CTBP2: variants seen among roughly 807,000 people sequenced by gnomAD.
The protein encoded by CTBP2 is C-terminal binding protein 2, also known as C-terminal-binding protein 2.
CTBP2 carries 30 observed loss-of-function variants against 80.3 expected under a neutral mutation model. The ratio of observed to expected loss-of-function variants is 0.37; its 90% CI spans 0.28 to 0.51. The LOEUF is 0.51. CTBP2 is among the 20% of genes least tolerant of loss of function. The pLI is 0.93. For missense variants in CTBP2, 1,212 were observed against 1,375.3 expected (o/e 0.88, Z 1.88); for synonymous variants, 594 against 587.4 (o/e 1.01, Z -0.16).
chr10:125,105,687 A>T (rs924609483), intron 2 of CTBP2, among the ~76,000 whole-genome samples: 18 of 152,226 alleles, frequency 1.2e-4, no homozygotes, highest in Admixed American at 3.9e-4. Flanking sequence ...TTTTAAAAAA[A>T]AACAAGTTAT....
At chr10:125,033,782 G>C (rs1187059416) in intron 3 of CTBP2, among the ~76,000 whole-genome samples, 1 of 152,090 alleles carries the variant, frequency 6.6e-6, no homozygotes, top group Non-Finnish European at 1.5e-5. Flanking sequence ...CCGGGACCAA[G>C]AGGACAGGCA....
intron 1 of CTBP2, among the ~76,000 whole-genome samples, chr10:125,018,313 T>A (rs1215626326): frequency 6.6e-6 from 1 of 152,034 alleles, no homozygotes; most frequent in Non-Finnish European, 1.5e-5. Flanking sequence ...TCACCTGAGG[T>A]CAGGAGTTTG....
chr10:125,031,727 G>A (rs1161519754), upstream of CTBP2, among the ~76,000 whole-genome samples: 2 of 152,174 alleles, frequency 1.3e-5, no homozygotes, highest in African/African-American at 2.4e-5. Context: ...ATCGTTTCAG[G>A]TATCAAAGGG....
chr10:125,035,583 C>G (rs1564766104), intron 3 of CTBP2, among the ~76,000 whole-genome samples: 1 of 152,216 alleles, frequency 6.6e-6, no homozygotes, highest in Non-Finnish European at 1.5e-5. Context: ...CCACAAGAAG[C>G]AGCTCTAACA....
intron 2 of CTBP2, among the ~76,000 whole-genome samples, chr10:125,070,405 G>A (rs992159240): frequency 1.3e-5 from 2 of 151,444 alleles, no homozygotes; most frequent in Non-Finnish European, 1.5e-5. Flanking sequence ...TTAATTATAG[G>A]GAAAGGCCAG....
intron 1 of CTBP2, among the ~76,000 whole-genome samples, chr10:125,157,214 G>A (rs923551992): frequency 6.6e-6 from 1 of 152,144 alleles, no homozygotes; most frequent in African/African-American, 2.4e-5. Flanking sequence ...GGGACAATGA[G>A]GCTTTTTAAA....
chr10:124,998,247 C>T lies in CTBP2; in HGVS notation c.1979-77G>A. On this transcript the variant is annotated intron_variant, in intron 3 of 8. Coordinates refer to ENST00000309035, the MANE Select transcript of CTBP2 (RefSeq NM_022802.3). ...GGAAGCCCCAGGGCTCCCAGCCCGC[C>T]CTCCTGAGACTCGGTTGTTGGCACC... 4.7e-6 allele frequency: 7 copies of T among 1,498,148 alleles called. No homozygotes were observed. In the South Asian group the frequency reaches 5.0e-5, roughly 11 times the overall value. 92.8% of individuals were successfully genotyped at this position (1,498,148 alleles called of 1,614,324 possible). A position where few individuals can be genotyped will look rare whatever the true frequency, so the allele number is the denominator to read the frequency against.
At chr10:125,147,674 G>C (rs1859034421) in intron 1 of CTBP2, among the ~76,000 whole-genome samples, 1 of 150,382 alleles carries the variant, frequency 6.6e-6, no homozygotes, top group Non-Finnish European at 1.5e-5. Context: ...AAGGAGGGAG[G>C]ATTACTTGAG....
At chr10:125,083,531 TG>T (rs1487737419) in intron 2 of CTBP2, among the ~76,000 whole-genome samples, 1 of 152,228 alleles carries the variant, frequency 6.6e-6, no homozygotes, top group East Asian at 1.9e-4. Context: ...CACATTACCG[TG>T]ACCATCTAGT....
chr10:125,044,989 AGCTATGGACCGAAT>A (rs1224095155), intron 2 of CTBP2, among the ~76,000 whole-genome samples: 1 of 152,216 alleles, frequency 6.6e-6, no homozygotes, highest in African/African-American at 2.4e-5. Context: ...TCAGAACGGC[AGCTATGGACCGAAT>A]GCTTGTGTAC....
At chr10:125,099,557 A>AGCTTTCAAAGGGTACAATTCCTC (rs1850279560) in intron 2 of CTBP2, among the ~76,000 whole-genome samples, 1 of 152,206 alleles carries the variant, frequency 6.6e-6, no homozygotes, top group South Asian at 2.1e-4. Context: ...TTCAGGGGGC[A>AGCTTTCAAAGGGTACAATTCCTC]GCTTTCAAAG....
chr10:125,124,172 C>A (rs1166071641), intron 1 of CTBP2, among the ~76,000 whole-genome samples: 1 of 152,204 alleles, frequency 6.6e-6, no homozygotes, highest in Non-Finnish European at 1.5e-5. Context: ...CAGAGCTACG[C>A]CCCTGCTTCT....
chr10:125,145,684 T>TCAC (rs1160897092), intron 1 of CTBP2, among the ~76,000 whole-genome samples: 4 of 152,016 alleles, frequency 2.6e-5, no homozygotes, highest in African/African-American at 9.7e-5. Context: ...CCTACTACTA[T>TCAC]CACCACCACC....
chr10:125,027,726 G>T lies in CTBP2; in HGVS notation c.34C>A (p.Arg12Ser). 6.2e-7 allele frequency: 1 copy of T among 1,607,512 alleles called. No homozygotes were observed. The highest frequency in any genetic ancestry group is 1.1e-5 in the South Asian group (1 of 90,762). Reference sequence around the variant, plus strand: ...CCAGCAGCATCCCAGCTCTGAGAACGACCAATATTTATATGCCTGCTGGGA... The same window carrying T: ...CCAGCAGCATCCCAGCTCTGAGAACTACCAATATTTATATGCCTGCTGGGA... Residue 12 changes from arginine to serine, a missense_variant, in exon 1 of 9, where the codon CGT becomes AGT. Physicochemically the swap from Arg to Ser is moderately radical, Grantham distance 110. This residue lies in a region of CTBP2 where 848 missense variants were observed against 782.3 expected (regional missense o/e 1.08). Coordinates refer to ENST00000309035, the MANE Select transcript of CTBP2 (RefSeq NM_022802.3).
intron 1 of CTBP2, among the ~76,000 whole-genome samples, chr10:125,117,621 A>G (rs1336832546): frequency 6.6e-6 from 1 of 152,204 alleles, no homozygotes. Flanking sequence ...AACGTCTACC[A>G]AAGGGCTGAG....
Position 125,066,503 on chromosome 10 carries a change from T to A in CTBP2, c.-101-27348A>T, listed in dbSNP as rs1844656097. On this transcript the variant is annotated intron_variant, in intron 2 of 10. Transcript: ENST00000337195. The surrounding 1 kb of genome is among the most constrained non-coding windows in gnomAD (Gnocchi z 4.1). ...CCAAGCACCCTAGAAAGTGCTGTCATGTTTCGTACAGGAGCCTGCTGGGGG... is the reference window on the plus strand; with the variant it reads ...CCAAGCACCCTAGAAAGTGCTGTCAAGTTTCGTACAGGAGCCTGCTGGGGG... Among the ~76,000 whole-genome samples the A allele has an allele frequency of 6.6e-6, 1 of 152,136 alleles. No homozygotes were observed.
chr10:125,046,667 C>T (rs184339836), intron 2 of CTBP2, among the ~76,000 whole-genome samples: 24 of 152,042 alleles, frequency 1.6e-4, no homozygotes, highest in Admixed American at 9.8e-4. Context: ...AAAAGTGAAG[C>T]CCCTGTAAGT....
intron 1 of CTBP2, 92 bp from the exon 4 acceptor site, chr10:125,003,584 G>A: frequency 9.2e-7 from 1 of 1,090,376 alleles, no homozygotes; most frequent in Non-Finnish European, 1.3e-6. Flanking sequence ...CTCAGGGCAG[G>A]GCTTGGGCAA....
chr10:125,130,162 C>T (rs866635066), intron 1 of CTBP2, among the ~76,000 whole-genome samples: 2 of 152,146 alleles, frequency 1.3e-5, no homozygotes, highest in Middle Eastern at 6.8e-3. Context: ...ATTCTCCTGC[C>T]TCAGTCTCCC....
Sources: gnomAD v4.1 joint callset for allele counts (sites outside exome capture counted in the v4.1 genomes callset) on GRCh38, gnomAD v4.1.1 for gene constraint, gnomAD v4.1.1 regional missense constraint, Gnocchi (gnomAD v3.1) non-coding constraint, MANE v1.5 for transcripts, NCBI Gene and HGNC (gene_info 2026-07-23, HGNC 2026-07-21) for gene names.